The following TMEM117 variants were observed in gnomAD, a reference collection of about 807,000 sequenced individuals.
TMEM117 encodes transmembrane protein 117.
TMEM117 carries 27 observed loss-of-function variants against 52.4 expected under a neutral mutation model. That is an observed-to-expected ratio of 0.51 (90% confidence interval 0.38 to 0.71). The LOEUF (loss-of-function observed/expected upper bound fraction) is 0.71, where lower values mean the gene tolerates loss of function less well. Ranked by LOEUF, TMEM117 falls within the 30% of genes least tolerant of loss-of-function variation. The probability of loss-of-function intolerance (pLI) is 0.00; values close to 1 mark genes in which losing one functional copy is unlikely to be tolerated. For synonymous variants in TMEM117, 215 were observed against 206.3 expected, an observed-to-expected ratio of 1.04 and a Z score of -0.36; for missense variants, 556 against 630.5, an observed-to-expected ratio of 0.88 and a Z score of 1.26.
intron 3 of TMEM117, among the ~76,000 whole-genome samples, chr12:44,057,697 A>G (rs1947078803): frequency 6.6e-6 from 1 of 152,126 alleles, no homozygotes; most frequent in Admixed American, 6.6e-5. Context: ...GGGACAACCC[A>G]AAGAACACCA....
chr12:43,933,763 G>C (rs916444296), intron 2 of TMEM117, among the ~76,000 whole-genome samples: 1 of 151,920 alleles, frequency 6.6e-6, no homozygotes, highest in Non-Finnish European at 1.5e-5. Flanking sequence ...GGGTTTCACT[G>C]TGTTGGCCAG....
intron 3 of TMEM117, among the ~76,000 whole-genome samples, chr12:44,068,474 A>G (rs1187879256): frequency 6.6e-6 from 1 of 152,134 alleles, no homozygotes; most frequent in South Asian, 2.1e-4. Flanking sequence ...TGTATTAGTT[A>G]TTAGTATTAT....
intron 4 of TMEM117, among the ~76,000 whole-genome samples, chr12:44,199,638 A>C (rs1455174278): frequency 1.3e-5 from 2 of 152,200 alleles, no homozygotes; most frequent in African/African-American, 4.8e-5. Flanking sequence ...GGCCATGATG[A>C]CAGTTATACC....
chr12:44,387,303 A>T (rs1952101898), intron 7 of TMEM117, among the ~76,000 whole-genome samples: 1 of 151,832 alleles, frequency 6.6e-6, no homozygotes, highest in African/African-American at 2.4e-5. Flanking sequence ...ATATCATTTG[A>T]TAAAAGATCA....
In TMEM117 at chr12:44,371,951, A is replaced by G. The variant is rs961496396; in HGVS notation, c.769-4644A>G. On this transcript the variant is annotated intron_variant, in intron 6 of 7. Transcript: ENST00000266534. ...CTGTCCTTTTATTTTTATATGGGAAATACACCCATATGAATAAAAATTAAC... is the reference window on the plus strand; with the variant it reads ...CTGTCCTTTTATTTTTATATGGGAAGTACACCCATATGAATAAAAATTAAC... Among the ~76,000 whole-genome samples, 7 of 152,324 alleles carry G rather than the reference A, an allele frequency of 4.6e-5. No individual in the cohort carries two copies. In the South Asian group the frequency reaches 6.2e-4, roughly 14 times the overall value.
intron 3 of TMEM117, among the ~76,000 whole-genome samples, chr12:44,057,201 C>A (rs1397579457): frequency 1.3e-5 from 2 of 152,080 alleles, no homozygotes. Flanking sequence ...ATCTAAATTG[C>A]CCAGTTGCTA....
intron 2 of TMEM117, among the ~76,000 whole-genome samples, chr12:43,903,431 A>C (rs1944336323): frequency 6.6e-6 from 1 of 152,208 alleles, no homozygotes; most frequent in Non-Finnish European, 1.5e-5. Context: ...CATCTCACAT[A>C]AAAAATGGGA....
intron 2 of TMEM117, among the ~76,000 whole-genome samples, chr12:43,871,026 C>T (rs1222399980): frequency 6.6e-6 from 1 of 152,114 alleles, no homozygotes; most frequent in Non-Finnish European, 1.5e-5. Context: ...CTCAGGCGAT[C>T]CACCCGCCTT....
intron 5 of TMEM117, among the ~76,000 whole-genome samples, chr12:44,256,111 A>G (rs1467584993): frequency 6.6e-6 from 1 of 151,942 alleles, no homozygotes; most frequent in Non-Finnish European, 1.5e-5. Flanking sequence ...AAAACTTTAA[A>G]TTAAAAATAA....
chr12:43,886,311 A>G (rs1297327501), intron 2 of TMEM117, among the ~76,000 whole-genome samples: 3 of 152,186 alleles, frequency 2.0e-5, no homozygotes, highest in Non-Finnish European at 4.4e-5. Flanking sequence ...AATATCTAAG[A>G]GAGTATGGTG....
At chr12:43,842,652 A>G (rs12314126) in intron 1 of TMEM117, among the ~76,000 whole-genome samples, 43,137 of 151,994 alleles carry the variant, frequency 0.28, 9,819 homozygotes, top group African/African-American at 0.64. Flanking sequence ...AGTCATGTAT[A>G]AAGTGAGAAT....
intron 3 of TMEM117, among the ~76,000 whole-genome samples, chr12:44,054,815 A>G (rs1947028824): frequency 6.6e-6 from 1 of 151,264 alleles, no homozygotes; most frequent in Non-Finnish European, 1.5e-5. Context: ...ATATGTATAC[A>G]TGTTCCATGT....
At chr12:44,278,435 A>G (rs961350890) in intron 5 of TMEM117, among the ~76,000 whole-genome samples, 5 of 152,230 alleles carry the variant, frequency 3.3e-5, no homozygotes, top group African/African-American at 9.6e-5. Context: ...ATCCAAGTTT[A>G]GTAATAAGTT....
the TMEM117 span, among the ~76,000 whole-genome samples, chr12:43,822,684 T>C: frequency 6.6e-6 from 1 of 152,136 alleles, no homozygotes; most frequent in African/African-American, 2.4e-5. Context: ...TTTTAGCTGC[T>C]CCTATAGTAG....
chr12:43,826,802 C>T, the TMEM117 span, among the ~76,000 whole-genome samples: 1 of 152,054 alleles, frequency 6.6e-6, no homozygotes, highest in Non-Finnish European at 1.5e-5. Flanking sequence ...GAATGCAAGC[C>T]TCATTCTAAT....
chr12:44,381,852 G>GA (rs757448135), intron 7 of TMEM117, among the ~76,000 whole-genome samples: 5 of 152,082 alleles, frequency 3.3e-5, no homozygotes, highest in Non-Finnish European at 5.9e-5. Flanking sequence ...ATCAGGCCAT[G>GA]AGAAGGCTGG....
intron 3 of TMEM117, among the ~76,000 whole-genome samples, chr12:44,089,470 G>A (rs1222995413): frequency 6.6e-6 from 1 of 152,046 alleles, no homozygotes; most frequent in Admixed American, 6.6e-5. Context: ...TCAGTCTTGT[G>A]CCATACTCAA....
chr12:44,320,703 C>T (rs1177186006), intron 6 of TMEM117, among the ~76,000 whole-genome samples: 1 of 152,224 alleles, frequency 6.6e-6, no homozygotes, highest in African/African-American at 2.4e-5. Context: ...TATATGCTGT[C>T]CTCTCTGTGA....
chr12:44,352,288 T>G (rs187174674), intron 6 of TMEM117, among the ~76,000 whole-genome samples: 3 of 152,166 alleles, frequency 2.0e-5, no homozygotes, highest in Admixed American at 1.3e-4. Flanking sequence ...GTTTTGTTTT[T>G]TTGTTTTTTT....
Sources: allele counts gnomAD v4.1 joint callset (sites outside exome capture counted in the v4.1 genomes callset), GRCh38; gene constraint gnomAD v4.1.1; transcripts MANE v1.5; gene names NCBI Gene and HGNC (gene_info 2026-07-23, HGNC 2026-07-21).